EBPL: variants seen among roughly 807,000 people sequenced by gnomAD.
EBPL encodes emopamil-binding protein-like.
A neutral mutation model predicts 19.0 loss-of-function variants in EBPL; 20 were observed. That is an observed-to-expected ratio of 1.05 (90% CI 0.74 to 1.53). EBPL has a LOEUF of 1.53. Among genes scored for constraint, EBPL ranks in the 40% most tolerant of loss-of-function variants. The pLI is 0.00. For missense variants in EBPL, 219 were observed against 261.1 expected (o/e 0.84, Z 1.11); for synonymous variants, 107 against 117.0 (o/e 0.91, Z 0.55).
chr13:49,674,052 G>T (rs1438089833), intron 1 of EBPL, among the ~76,000 whole-genome samples: 2 of 151,574 alleles, frequency 1.3e-5, no homozygotes, highest in Non-Finnish European at 2.9e-5. Context: ...TCCATATGAT[G>T]GTTATATTAT....
At position 49,661,082 on chromosome 13, in the gene EBPL, C is replaced by T. The variant is rs760924603; in HGVS notation, c.507G>A (p.Leu169=). The T allele has an allele frequency of 6.2e-6, 10 of 1,613,752 alleles. No homozygotes were observed. The highest frequency in any genetic ancestry group is 8.5e-6 in the Non-Finnish European group (10 of 1,179,804). ...TSNWLYCWLY[L]FFFNGVWVLI... is the part of the protein sequence containing the mutation. ...GAACCCACACACCGTTAAAAAAAAA[C>T]AGGTAAAGCCAACAGTACAGCCAGT... is the stretch of plus-strand genomic sequence containing the variant. The change falls in exon 4 of 4, where the codon CTG becomes CTA. Residue 169 remains leucine, a synonymous_variant. Coordinates refer to ENST00000242827, the MANE Select transcript of EBPL (RefSeq NM_032565.5).
At chr13:49,673,994 A>ACACACACACACACACAC (rs1566316990) in intron 1 of EBPL, among the ~76,000 whole-genome samples, 4 of 105,250 alleles carry the variant, frequency 3.8e-5, no homozygotes, top group African/African-American at 1.2e-4. Flanking sequence ...CACACACACC[A>ACACACACACACACACAC]CACAAAGAAA....
At chr13:49,676,496 G>A (rs1430961895) in intron 1 of EBPL, among the ~76,000 whole-genome samples, 2 of 152,120 alleles carry the variant, frequency 1.3e-5, no homozygotes, top group Non-Finnish European at 2.9e-5. Flanking sequence ...GGAGGCTGAG[G>A]CAGGAGAATG....
Position 49,661,060 on chromosome 13 carries a change from C to A in EBPL, c.529G>T (p.Val177Phe), listed in dbSNP as rs1029257207. The A allele has an allele frequency of 2.5e-6, 4 of 1,614,002 alleles. No homozygotes were observed. The highest frequency in any genetic ancestry group is 3.3e-5 in the Admixed American group (2 of 59,968). Reference protein sequence around the residue: ...LYLFFFNGVWVLIPGLLLWQS... With the variant: ...LYLFFFNGVWFLIPGLLLWQS... ...CACAGTAGCAGTCCTGGGATCAGAA[C>A]CCACACACCGTTAAAAAAAAACAGG... Residue 177 changes from valine to phenylalanine, a missense_variant, in exon 4 of 4, where the codon GTT (valine) becomes TTT (phenylalanine). Val to Phe is a conservative substitution (Grantham distance 50). This residue lies in a region of EBPL where 49 missense variants were observed against 94.1 expected (regional missense o/e 0.52). Coordinates refer to ENST00000242827, the MANE Select transcript of EBPL (RefSeq NM_032565.5).
chr13:49,682,343 C>T (rs769917186), intron 1 of EBPL, among the ~76,000 whole-genome samples: 1 of 152,214 alleles, frequency 6.6e-6, no homozygotes, highest in Non-Finnish European at 1.5e-5. Context: ...TGTTACTTCT[C>T]AGATTAAAGA....
intron 1 of EBPL, among the ~76,000 whole-genome samples, chr13:49,690,472 AGT>A (rs371591969): frequency 1.6e-4 from 19 of 121,662 alleles, no homozygotes; most frequent in Admixed American, 5.0e-4. Flanking sequence ...AAAACTTAAA[AGT>A]GTGTGTGTGT....
intron 1 of EBPL, among the ~76,000 whole-genome samples, chr13:49,688,588 G>A (rs1427729867): frequency 3.9e-5 from 6 of 151,912 alleles, no homozygotes; most frequent in South Asian, 2.1e-4. Flanking sequence ...GCGTGGTGGC[G>A]GGTGCCTGTA....
At chr13:49,687,005 C>A (rs934942488) in intron 1 of EBPL, among the ~76,000 whole-genome samples, 1 of 152,142 alleles carries the variant, frequency 6.6e-6, no homozygotes, top group Non-Finnish European at 1.5e-5. Flanking sequence ...CAAGGCCTCA[C>A]TATGTTAGCA....
chr13:49,663,356 C>A (rs1965177141), intron 2 of EBPL, among the ~76,000 whole-genome samples, 161 bp from the exon 3 acceptor site: 1 of 152,152 alleles, frequency 6.6e-6, no homozygotes, highest in Non-Finnish European at 1.5e-5. Flanking sequence ...GCCCTGGGAC[C>A]AAAATGCGTT....
At chr13:49,674,343 A>T (rs1228810499) in intron 1 of EBPL, among the ~76,000 whole-genome samples, 1 of 152,146 alleles carries the variant, frequency 6.6e-6, no homozygotes, top group African/African-American at 2.4e-5. Context: ...ACCTCAGGTG[A>T]TCCACCTGCC....
At chr13:49,672,724 C>T (rs1403077793) in intron 1 of EBPL, among the ~76,000 whole-genome samples, 1 of 152,164 alleles carries the variant, frequency 6.6e-6, no homozygotes, top group African/African-American at 2.4e-5. Flanking sequence ...AGGAAACACA[C>T]CTTCAAGCCA....
At chr13:49,686,429 T>A in intron 1 of EBPL, 1 of 1,265,044 alleles carries the variant, frequency 7.9e-7, no homozygotes, top group Non-Finnish European at 1.0e-6. Context: ...CTCCCTCCCA[T>A]CAATCCCACT....
chr13:49,669,625 G>C, intron 2 of EBPL, 152 bp downstream of exon 2: 5 of 535,196 alleles, frequency 9.3e-6, no homozygotes, highest in Admixed American at 3.7e-5. Context: ...TCATTCCCAC[G>C]CAACCAGTAA....
chr13:49,679,735 G>T (rs2137503853), intron 1 of EBPL, among the ~76,000 whole-genome samples: 1 of 152,058 alleles, frequency 6.6e-6, no homozygotes, highest in Middle Eastern at 3.4e-3. Flanking sequence ...GAACTCCTTG[G>T]CTCAAGCGCC....
intron 1 of EBPL, among the ~76,000 whole-genome samples, chr13:49,682,922 C>T (rs1431601126): frequency 6.6e-6 from 1 of 152,136 alleles, no homozygotes; most frequent in Non-Finnish European, 1.5e-5. Flanking sequence ...GATGGTCAGA[C>T]TCCACCTAGA....
At chr13:49,662,022 C>A in intron 3 of EBPL, 2 of 1,150,054 alleles carry the variant, frequency 1.7e-6, no homozygotes, top group South Asian at 2.6e-5. Context: ...GAGACAGAGT[C>A]TCGCTCTGTC....
At chr13:49,673,942 T>C (rs561207105) in intron 1 of EBPL, among the ~76,000 whole-genome samples, 41 of 135,266 alleles carry the variant, frequency 3.0e-4, no homozygotes, top group African/African-American at 1.1e-3. Flanking sequence ...ACCCAGTTGA[T>C]ACAATTATAT....
At chr13:49,679,738 C>T (rs1221601785) in intron 1 of EBPL, among the ~76,000 whole-genome samples, 1 of 152,082 alleles carries the variant, frequency 6.6e-6, no homozygotes, top group Non-Finnish European at 1.5e-5. Context: ...CTCCTTGGCT[C>T]AAGCGCCTCC....
chr13:49,666,711 CAAAAAAAAAA>C (rs35086927), intron 2 of EBPL, among the ~76,000 whole-genome samples: 11 of 81,016 alleles, frequency 1.4e-4, no homozygotes, highest in Non-Finnish European at 1.9e-4. Context: ...GACTCCGTCT[CAAAAAAAAAA>C]AAAAAAAAAA....
Sources: allele counts gnomAD v4.1 joint callset (sites outside exome capture counted in the v4.1 genomes callset), GRCh38; gene constraint gnomAD v4.1.1; regional missense constraint gnomAD v4.1.1; transcripts MANE v1.5; gene names NCBI Gene and HGNC (gene_info 2026-07-23, HGNC 2026-07-21).